The following TAFA4 variants were observed in gnomAD, a reference collection of about 807,000 sequenced individuals.
The protein encoded by TAFA4 is chemokine-like protein TAFA-4.
A neutral mutation model predicts 21.1 loss-of-function variants in TAFA4; 20 were observed. The observed-to-expected ratio is 0.95, with a 90% confidence interval of 0.67 to 1.38. The LOEUF (loss-of-function observed/expected upper bound fraction) is 1.38, where lower values mean the gene tolerates loss of function less well. TAFA4 is among the 40% of genes most tolerant of loss of function. The pLI is 0.00. For synonymous variants in TAFA4, 71 were observed against 67.4 expected, an observed-to-expected ratio of 1.05 and a Z score of -0.26; for missense variants, 211 against 180.9, an observed-to-expected ratio of 1.17 and a Z score of -0.95.
At position 68,914,665 on chromosome 3, in the gene TAFA4, T is replaced by C. The variant is rs145405618; in HGVS notation, c.-123+17575A>G. On this transcript the variant is annotated intron_variant, in intron 1 of 5. Transcript: ENST00000295569. ...TACTTCAATTAGCATATTTAATAAA[T>C]AATGTAGTAAAAAAACCATGGAAGC... is the stretch of plus-strand genomic sequence containing the variant. Among the ~76,000 whole-genome samples, 171 of 152,254 alleles carry C rather than the reference T, an allele frequency of 1.1e-3. 2 individuals carry two copies. Among genetic ancestry groups the C allele is most frequent in the African/African-American group, 4.1e-3 (169 of 41,552 alleles).
At chr3:68,837,506 A>T (rs1045624158) in intron 3 of TAFA4, among the ~76,000 whole-genome samples, 19 of 152,308 alleles carry the variant, frequency 1.2e-4, no homozygotes, top group African/African-American at 3.6e-4. Context: ...CCAACTTAGT[A>T]AACATCAGAA....
At chr3:68,901,565 T>A (rs938406334) in intron 1 of TAFA4, among the ~76,000 whole-genome samples, 4 of 152,166 alleles carry the variant, frequency 2.6e-5, no homozygotes, top group Non-Finnish European at 5.9e-5. Context: ...TTTAACTAGG[T>A]AAAATTTAAA....
intron 5 of TAFA4, among the ~76,000 whole-genome samples, chr3:68,733,967 C>A (rs1432776625): frequency 6.6e-6 from 1 of 151,986 alleles, no homozygotes; most frequent in African/African-American, 2.4e-5. Flanking sequence ...ACCCTGCCCC[C>A]ATGGAGCTTA....
chr3:68,854,663 A>AT (rs375368386), intron 3 of TAFA4, among the ~76,000 whole-genome samples: 62 of 142,822 alleles, frequency 4.3e-4, no homozygotes, highest in East Asian at 8.3e-4. Context: ...TGTTTTTGTT[A>AT]TTTTTTTTTT....
chr3:68,864,290 A>G (rs2089388552), intron 3 of TAFA4, among the ~76,000 whole-genome samples: 1 of 152,176 alleles, frequency 6.6e-6, no homozygotes, highest in South Asian at 2.1e-4. Context: ...AAGTGGCCAA[A>G]TAATTTGAAC....
chr3:68,789,345 C>T (rs978822472), intron 3 of TAFA4, among the ~76,000 whole-genome samples: 1 of 152,064 alleles, frequency 6.6e-6, no homozygotes, highest in African/African-American at 2.4e-5. Flanking sequence ...CTGGCCTATG[C>T]ACTTCTTTTT....
intron 4 of TAFA4, among the ~76,000 whole-genome samples, chr3:68,748,439 G>A (rs1487753578): frequency 6.6e-6 from 1 of 152,164 alleles, no homozygotes; most frequent in Non-Finnish European, 1.5e-5. Context: ...TTAACTAAGT[G>A]AATTGACATC....
chr3:68,771,045 C>T (rs562801885), intron 3 of TAFA4, among the ~76,000 whole-genome samples: 161 of 152,150 alleles, frequency 1.1e-3, no homozygotes, highest in South Asian at 1.9e-3. Flanking sequence ...TGGCTGGGGG[C>T]GGTTGAAGAA....
At chr3:68,928,967 T>C (rs774475993) in intron 1 of TAFA4, among the ~76,000 whole-genome samples, 3 of 141,854 alleles carry the variant, frequency 2.1e-5, no homozygotes, top group Non-Finnish European at 4.6e-5. Context: ...TTAAACCAGA[T>C]TTTACAATTA....
chr3:68,846,201 C>G (rs1187209457), intron 3 of TAFA4, among the ~76,000 whole-genome samples: 1 of 152,000 alleles, frequency 6.6e-6, no homozygotes. Context: ...TTCTTGGAGG[C>G]TTTGTTCGTT....
At chr3:68,826,801 T>C (rs1453991335) in intron 3 of TAFA4, among the ~76,000 whole-genome samples, 1 of 152,130 alleles carries the variant, frequency 6.6e-6, no homozygotes, top group Non-Finnish European at 1.5e-5. Context: ...AATACCCTTC[T>C]ACTCCAACCT....
At chr3:68,733,235 C>T (rs1702183190) in intron 5 of TAFA4, 82 bp from the exon 6 acceptor site, 2 of 1,530,544 alleles carry the variant, frequency 1.3e-6, no homozygotes, top group Non-Finnish European at 1.8e-6. Flanking sequence ...CCAATAAGGT[C>T]CTGACTGTGA....
intron 3 of TAFA4, among the ~76,000 whole-genome samples, chr3:68,871,986 A>G (rs115869964): frequency 0.02 from 3,097 of 152,200 alleles, 109 homozygotes; most frequent in African/African-American, 0.071. Context: ...GTGGAAAACA[A>G]TACAGTGGTC....
intron 4 of TAFA4, among the ~76,000 whole-genome samples, chr3:68,751,516 C>A (rs1702556458): frequency 6.6e-6 from 1 of 152,054 alleles, no homozygotes; most frequent in Admixed American, 6.5e-5. Flanking sequence ...ATTAGACTTC[C>A]CCAGCTGGAG....
intron 1 of TAFA4, among the ~76,000 whole-genome samples, chr3:68,897,103 TGTTGGCCAG>T (rs1305128101): frequency 6.6e-6 from 1 of 151,964 alleles, no homozygotes; most frequent in East Asian, 2.0e-4. Flanking sequence ...GGTTTTGCCA[TGTTGGCCAG>T]GCTGGTCTCG....
chr3:68,782,224 G>C (rs1602197), intron 3 of TAFA4, among the ~76,000 whole-genome samples: 41,896 of 151,996 alleles, frequency 0.28, 7,172 homozygotes, highest in Non-Finnish European at 0.39. Flanking sequence ...GATACCAAAT[G>C]GTCGAGAAGC....
At chr3:68,779,725 G>C (rs1403930442) in intron 3 of TAFA4, among the ~76,000 whole-genome samples, 1 of 152,224 alleles carries the variant, frequency 6.6e-6, no homozygotes, top group Non-Finnish European at 1.5e-5. Flanking sequence ...TGGATGCCCA[G>C]GCAGAAGTTT....
intron 5 of TAFA4, among the ~76,000 whole-genome samples, chr3:68,734,977 TTAAA>T (rs1309976640): frequency 2.0e-5 from 3 of 152,164 alleles, no homozygotes; most frequent in Non-Finnish European, 4.4e-5. Flanking sequence ...TTATTTTCCT[TTAAA>T]ATTATTATTG....
intron 1 of TAFA4, among the ~76,000 whole-genome samples, chr3:68,898,130 G>A (rs779073644): frequency 1.4e-4 from 22 of 152,244 alleles, no homozygotes; most frequent in South Asian, 4.2e-4. Flanking sequence ...AGATGGGAAA[G>A]GACCCCAAGG....
Sources: allele counts gnomAD v4.1 joint callset (sites outside exome capture counted in the v4.1 genomes callset), GRCh38; gene constraint gnomAD v4.1.1; transcripts MANE v1.5; gene names NCBI Gene and HGNC (gene_info 2026-07-23, HGNC 2026-07-21).